The following ZNF366 variants were observed in gnomAD, a reference collection of about 807,000 sequenced individuals.
ZNF366 encodes the protein zinc finger protein 366.
In ZNF366, 20 loss-of-function variants were observed where a neutral mutation model predicts 47.2. The ratio of observed to expected loss-of-function variants is 0.42; its 90% CI spans 0.30 to 0.62. The LOEUF is 0.62. Among genes scored for constraint, ZNF366 ranks in the 20% least tolerant of loss-of-function variants. The pLI, the probability that ZNF366 is intolerant of heterozygous loss-of-function variation, is 0.16. For synonymous variants in ZNF366, 421 were observed against 395.1 expected, an observed-to-expected ratio of 1.07 and a Z score of -0.78; for missense variants, 987 against 976.3, an observed-to-expected ratio of 1.01 and a Z score of -0.15.
At chr5:72,487,095 G>C (rs1270610689) in intron 1 of ZNF366, among the ~76,000 whole-genome samples, 1 of 152,180 alleles carries the variant, frequency 6.6e-6, no homozygotes, top group Non-Finnish European at 1.5e-5. Flanking sequence ...CATTTTAAGT[G>C]ATCAACAATT....
rs551430788 is a variant in ZNF366, at chr5:72,460,898, C to G, written c.599G>C (p.Arg200Pro). 1.9e-6 allele frequency: 3 copies of G among 1,612,966 alleles called. No homozygotes were observed. Among genetic ancestry groups the G allele is most frequent in the Non-Finnish European group, 1.7e-6 (2 of 1,179,362 alleles). Residue 200 changes from arginine (R) to proline (P), a missense_variant, in exon 2 of 5, where the codon CGG becomes CCG. Arg to Pro is a moderately radical substitution (Grantham distance 103). Coordinates refer to ENST00000318442, the MANE Select transcript of ZNF366 (RefSeq NM_152625.3). ...VPSSSPFPFSRHTFLPKQPPE... is the reference protein window; with the variant it reads ...VPSSSPFPFSPHTFLPKQPPE... Reference sequence around the variant, plus strand: ...GGGCTGCTTGGGCAGGAAGGTGTGCCGGCTGAAGGGGAAGGGCGAGGACGA... The same window carrying G: ...GGGCTGCTTGGGCAGGAAGGTGTGCGGGCTGAAGGGGAAGGGCGAGGACGA...
intron 1 of ZNF366, among the ~76,000 whole-genome samples, chr5:72,473,067 A>T (rs1025206921): frequency 3.3e-5 from 5 of 152,172 alleles, no homozygotes; most frequent in Non-Finnish European, 7.3e-5. Context: ...CGTTGTCACT[A>T]TCTTATACAA....
At chr5:72,463,748 T>C (rs1004939599) in intron 1 of ZNF366, among the ~76,000 whole-genome samples, 1 of 152,228 alleles carries the variant, frequency 6.6e-6, no homozygotes, top group Non-Finnish European at 1.5e-5. Context: ...GGTTATTTGA[T>C]GGTTTTTCTT....
At chr5:72,463,186 C>G (rs1285100572) in intron 1 of ZNF366, among the ~76,000 whole-genome samples, 1 of 152,206 alleles carries the variant, frequency 6.6e-6, no homozygotes, top group East Asian at 1.9e-4. Context: ...GAGTCGGATA[C>G]AGCTTTTACA....
At chr5:72,447,449 C>T in intron 3 of ZNF366, 32 bp from the exon 4 acceptor site, 1 of 1,611,620 alleles carries the variant, frequency 6.2e-7, no homozygotes, top group African/African-American at 1.3e-5. Flanking sequence ...ACACAGGTTA[C>T]TCTGCCCGAG....
At chr5:72,493,777 C>T (rs1474522140) in intron 1 of ZNF366, 1 of 151,906 alleles carries the variant, frequency 6.6e-6, no homozygotes, top group Non-Finnish European at 1.5e-5. Flanking sequence ...TTTCTTGAGG[C>T]GGAGTCTTGC....
At chr5:72,464,634 A>C (rs571128814) in intron 1 of ZNF366, among the ~76,000 whole-genome samples, 9 of 152,278 alleles carry the variant, frequency 5.9e-5, no homozygotes, top group Non-Finnish European at 1.3e-4. Flanking sequence ...ATACATTTTA[A>C]TTTTTTACGT....
chr5:72,482,351 TAAG>T (rs1405628573), intron 1 of ZNF366, among the ~76,000 whole-genome samples: 5 of 152,296 alleles, frequency 3.3e-5, no homozygotes, highest in Middle Eastern at 3.4e-3. Context: ...GGAAGTTTAG[TAAG>T]AAGAAGTGTA....
At position 72,443,206 on chromosome 5, in the gene ZNF366, T is replaced by C. The variant is rs1742891633; in HGVS notation, c.*550A>G. The C allele has an allele frequency of 6.6e-6, 1 of 152,332 alleles. No individual in the cohort carries two copies. Among genetic ancestry groups the C allele is most frequent in the African/African-American group, 2.4e-5 (1 of 41,468 alleles). The allele number at this position is 152,332 out of a possible 1,614,324, so 9.4% of individuals were successfully genotyped here. A position where few individuals can be genotyped will look rare whatever the true frequency, so the allele number is the denominator to read the frequency against. On this transcript the variant is annotated 3_prime_UTR_variant, in exon 5 of 5. Transcript: ENST00000318442. ...ATTATTCTTCTCCTGAAATTTTACCTTATATCTGCAGCAACTACTGGAGAG... is the reference window on the plus strand; with the variant it reads ...ATTATTCTTCTCCTGAAATTTTACCCTATATCTGCAGCAACTACTGGAGAG...
intron 3 of ZNF366, among the ~76,000 whole-genome samples, chr5:72,447,779 A>G (rs1742989663): frequency 6.6e-6 from 1 of 152,240 alleles, no homozygotes; most frequent in Non-Finnish European, 1.5e-5. Context: ...TTTATGCAGC[A>G]TTTGCAATAT....
At chr5:72,477,237 T>C (rs1743693394) in intron 1 of ZNF366, among the ~76,000 whole-genome samples, 1 of 152,252 alleles carries the variant, frequency 6.6e-6, no homozygotes, top group South Asian at 2.1e-4. Flanking sequence ...GCTGGTACTC[T>C]TGACATTTAA....
rs1354595910 is a variant in ZNF366, at chr5:72,440,755, C to A, written c.*3001G>T. ...TGGGACAACAGGTCTAAACCACGAT[C>A]ATCCCAGGCAAACCAGGATGTTGGT... On this transcript the variant is annotated 3_prime_UTR_variant, in exon 5 of 5. Transcript: ENST00000318442. 4 of 152,198 alleles carry A rather than the reference C, an allele frequency of 2.6e-5. No individual in the cohort carries two copies. Among genetic ancestry groups the A allele is most frequent in the Non-Finnish European group, 1.5e-5 (1 of 68,024 alleles). 9.4% of individuals were successfully genotyped at this position (152,198 alleles called of 1,614,324 possible). A position where few individuals can be genotyped will look rare whatever the true frequency, so the allele number is the denominator to read the frequency against.
Position 72,446,599 on chromosome 5 carries a change from G to A in ZNF366, c.1699+644C>T, listed in dbSNP as rs59045828. 9.8e-3 allele frequency among the ~76,000 whole-genome samples: 1,487 copies of A among 152,290 alleles called. 17 individuals carry two copies. The highest frequency in any genetic ancestry group is 0.034 in the African/African-American group (1,406 of 41,540). On this transcript the variant is annotated intron_variant, in intron 4 of 4. Coordinates refer to ENST00000318442, the MANE Select transcript of ZNF366 (RefSeq NM_152625.3). Reference sequence around the variant, plus strand: ...CATTAGTTCAGTGAGGATTCAGTGGGGGAGGTGTAAACCCCTGCTCTGCAT... The same window carrying A: ...CATTAGTTCAGTGAGGATTCAGTGGAGGAGGTGTAAACCCCTGCTCTGCAT...
At chr5:72,465,749 AG>A (rs1460095759) in intron 1 of ZNF366, among the ~76,000 whole-genome samples, 1 of 152,212 alleles carries the variant, frequency 6.6e-6, no homozygotes, top group African/African-American at 2.4e-5. Flanking sequence ...ACGTGCAAAA[AG>A]AAAGAAGAAC....
chr5:72,453,725 G>A (rs888227067), intron 3 of ZNF366, among the ~76,000 whole-genome samples: 5 of 152,250 alleles, frequency 3.3e-5, no homozygotes, highest in Admixed American at 2.0e-4. Flanking sequence ...CCAGCAGGGT[G>A]ACACTGATGG....
intron 1 of ZNF366, among the ~76,000 whole-genome samples, chr5:72,493,975 A>T (rs1313457081): frequency 8.4e-6 from 1 of 118,768 alleles, no homozygotes; most frequent in Non-Finnish European, 1.6e-5. Flanking sequence ...GTTTCACCAT[A>T]TTGGCCAGGC....
intron 1 of ZNF366, among the ~76,000 whole-genome samples, chr5:72,500,066 G>C (rs944030221): frequency 1.6e-4 from 24 of 152,220 alleles, no homozygotes; most frequent in African/African-American, 5.1e-4. Flanking sequence ...TTTCTCACTG[G>C]GAAGAGGGAG....
At position 72,456,561 on chromosome 5, in the gene ZNF366, C is replaced by T; in HGVS notation, c.1367G>A (p.Arg456Gln). Reference sequence around the variant, plus strand: ...CATGTTGGCCAGCAGGGTGAACTCCCGCCCACAAATCCCACACTTATGCTC... The same window carrying T: ...CATGTTGGCCAGCAGGGTGAACTCCTGCCCACAAATCCCACACTTATGCTC... The part of the protein sequence containing the change: ...VKEHKCGICG[R>Q]EFTLLANMKR... The change falls in exon 3 of 5, where the codon CGG becomes CAG. Residue 456 changes from arginine to glutamine, a missense_variant. Physicochemically the swap from Arg to Gln is conservative, Grantham distance 43. Coordinates refer to ENST00000318442, the MANE Select transcript of ZNF366 (RefSeq NM_152625.3). The T allele has an allele frequency of 1.9e-6, 3 of 1,611,830 alleles. No individual in the cohort carries two copies. Among genetic ancestry groups the T allele is most frequent in the East Asian group, 2.2e-5 (1 of 44,840 alleles).
intron 1 of ZNF366, among the ~76,000 whole-genome samples, chr5:72,461,792 C>T (rs943604220): frequency 1.3e-5 from 2 of 152,134 alleles, no homozygotes; most frequent in South Asian, 4.1e-4. Context: ...GTGATGGTAG[C>T]AAGGGAAGTG....
Sources: gnomAD v4.1 joint callset for allele counts (sites outside exome capture counted in the v4.1 genomes callset) on GRCh38, gnomAD v4.1.1 for gene constraint, MANE v1.5 for transcripts, NCBI Gene and HGNC (gene_info 2026-07-23, HGNC 2026-07-21) for gene names.